ANKS1B: variants seen among roughly 807,000 people sequenced by gnomAD.
ANKS1B encodes the protein ankyrin repeat and sterile alpha motif domain containing 1B.
ANKS1B carries 36 observed loss-of-function variants against 148.3 expected under a neutral mutation model. That is an observed-to-expected ratio of 0.24 (90% CI 0.19 to 0.32). The LOEUF is 0.32. Ranked by LOEUF, ANKS1B falls within the 10% of genes least tolerant of loss-of-function variation. The probability of loss-of-function intolerance (pLI) is 1.00; values close to 1 mark genes in which losing one functional copy is unlikely to be tolerated. For missense variants in ANKS1B, 1,157 were observed against 1,542.6 expected, an observed-to-expected ratio of 0.75 and a Z score of 4.19; for synonymous variants, 542 against 560.8, an observed-to-expected ratio of 0.97 and a Z score of 0.47.
At chr12:99,623,053 A>G (rs1216831016) in intron 9 of ANKS1B, among the ~76,000 whole-genome samples, 1 of 152,058 alleles carries the variant, frequency 6.6e-6, no homozygotes. Flanking sequence ...GCATTTTACC[A>G]TGATCACACA....
chr12:99,806,791 G>T, intron 3 of ANKS1B, 91 bp from the exon 4 acceptor site: 1 of 1,160,174 alleles, frequency 8.6e-7, no homozygotes, highest in Non-Finnish European at 1.2e-6. Context: ...GCAATGCTTT[G>T]AAATGTAAGT....
exon 10 of ANKS1B, chr12:98,735,232 C>T (rs1382425323): frequency 1.3e-5 from 5 of 398,818 alleles, no homozygotes; most frequent in South Asian, 1.3e-4. Context: ...AAGCATTTTC[C>T]CTTGCTGTAT....
chr12:99,125,326 C>T (rs1471812671), intron 15 of ANKS1B, among the ~76,000 whole-genome samples: 1 of 152,094 alleles, frequency 6.6e-6, no homozygotes, highest in Non-Finnish European at 1.5e-5. Context: ...AAACATGGTT[C>T]CCATTATCAA....
chr12:99,812,169 T>C lies in ANKS1B; in HGVS notation c.358A>G (p.Arg120Gly), dbSNP rs372411784. 31 of 1,611,188 alleles carry C rather than the reference T, an allele frequency of 1.9e-5. No homozygotes were observed. The highest frequency in any genetic ancestry group is 1.0e-4 in the Admixed American group (6 of 59,750). ...GGCAAGTGCACCTGTTCATTGACCC[T>C]GGAATGTGATGGTCCATGATGAATA... ...ILIHHGPSHS[R>G]VNEQNNENET... The change falls in exon 3 of 27, where the codon AGG (arginine) becomes GGG (glycine). Residue 120 changes from arginine to glycine, a missense_variant. Physicochemically the swap from Arg to Gly is moderately radical, Grantham distance 125. Coordinates refer to ENST00000683438, the MANE Select transcript of ANKS1B (RefSeq NM_001352186.2).
chr12:99,687,624 A>G (rs944460291), intron 8 of ANKS1B, among the ~76,000 whole-genome samples: 11 of 152,050 alleles, frequency 7.2e-5, no homozygotes, highest in Non-Finnish European at 1.5e-4. Context: ...CTCATCTAGT[A>G]CACTTTTCAT....
chr12:98,911,047 G>A (rs555195351), intron 17 of ANKS1B, among the ~76,000 whole-genome samples: 1 of 152,100 alleles, frequency 6.6e-6, no homozygotes, highest in Admixed American at 6.5e-5. Flanking sequence ...GAAGAGCTAC[G>A]GGATTTCAAT....
intron 9 of ANKS1B, among the ~76,000 whole-genome samples, chr12:99,539,322 A>C (rs977641286): frequency 6.6e-6 from 1 of 152,196 alleles, no homozygotes; most frequent in Non-Finnish European, 1.5e-5. Flanking sequence ...TTATATGAAG[A>C]TGTAATTTGT....
At chr12:99,412,162 TAG>T (rs1403806533) in intron 11 of ANKS1B, among the ~76,000 whole-genome samples, 1 of 152,196 alleles carries the variant, frequency 6.6e-6, no homozygotes, top group Non-Finnish European at 1.5e-5. Flanking sequence ...GGATACTGAT[TAG>T]AGTCTTTTTC....
At chr12:99,048,500 T>G (rs1348172430) in intron 17 of ANKS1B, among the ~76,000 whole-genome samples, 1 of 152,200 alleles carries the variant, frequency 6.6e-6, no homozygotes, top group Non-Finnish European at 1.5e-5. Flanking sequence ...TCACTTTACA[T>G]GAAAAAGAAA....
chr12:98,855,021 C>T (rs1043069772), intron 17 of ANKS1B, among the ~76,000 whole-genome samples: 3 of 151,916 alleles, frequency 2.0e-5, no homozygotes, highest in Admixed American at 6.6e-5. Context: ...TAGCCGGGCG[C>T]GGTGGCGGGC....
At chr12:99,545,294 G>A (rs939042943) in intron 9 of ANKS1B, among the ~76,000 whole-genome samples, 4 of 151,870 alleles carry the variant, frequency 2.6e-5, no homozygotes, top group Admixed American at 6.6e-5. Context: ...TTTAACTTTC[G>A]ACCAATATTT....
At chr12:99,684,813 A>T (rs1250272320) in intron 8 of ANKS1B, among the ~76,000 whole-genome samples, 1 of 152,166 alleles carries the variant, frequency 6.6e-6, no homozygotes, top group East Asian at 1.9e-4. Flanking sequence ...GCAAACAAAA[A>T]TATAATGTGG....
At chr12:99,419,940 G>A (rs1051785212) in intron 11 of ANKS1B, among the ~76,000 whole-genome samples, 1 of 152,148 alleles carries the variant, frequency 6.6e-6, no homozygotes, top group African/African-American at 2.4e-5. Flanking sequence ...AAAATGCTGG[G>A]ATTTCAGGCA....
chr12:99,854,999 A>C (rs565340250), intron 1 of ANKS1B, among the ~76,000 whole-genome samples: 3 of 152,250 alleles, frequency 2.0e-5, no homozygotes, highest in Middle Eastern at 6.8e-3. Flanking sequence ...TGAAAAAAAA[A>C]CCCAGGTATT....
chr12:99,728,869 G>GA (rs547575814), intron 8 of ANKS1B, among the ~76,000 whole-genome samples: 2 of 152,232 alleles, frequency 1.3e-5, no homozygotes, highest in South Asian at 4.1e-4. Flanking sequence ...AACAGGAACA[G>GA]AAAACTAACA....
chr12:99,211,360 A>C (rs1197352517), intron 14 of ANKS1B, among the ~76,000 whole-genome samples: 2 of 152,204 alleles, frequency 1.3e-5, no homozygotes, highest in African/African-American at 4.8e-5. Flanking sequence ...TCCCCAAACA[A>C]GCCAGTTTTA....
chr12:99,486,463 T>C (rs549682535), intron 10 of ANKS1B, among the ~76,000 whole-genome samples: 2 of 141,384 alleles, frequency 1.4e-5, no homozygotes, highest in Non-Finnish European at 3.0e-5. Context: ...TGCTTATTTA[T>C]TTATTTATTT....
rs559883131 is a variant in ANKS1B at position 99,418,928 on chromosome 12, CTTCT to C, written c.1576-19121_1576-19118del. 1.9e-3 allele frequency among the ~76,000 whole-genome samples: 290 copies of C among 152,206 alleles called. 2 individuals carry two copies. Among genetic ancestry groups the C allele is most frequent in the Non-Finnish European group, 2.6e-3 (177 of 67,968 alleles). ...CAATTAATATCATTATGTGGATTTT[CTTCT>C]TTATTGATTTCAAATATTGAATGAG... On this transcript the variant is annotated intron_variant, in intron 11 of 26. Coordinates refer to ENST00000683438, the MANE Select transcript of ANKS1B (RefSeq NM_001352186.2).
At chr12:99,252,577 G>C (rs983706034) in intron 12 of ANKS1B, among the ~76,000 whole-genome samples, 1 of 152,122 alleles carries the variant, frequency 6.6e-6, no homozygotes, top group East Asian at 1.9e-4. Context: ...AGTAGGATCC[G>C]GAACTGAATC....
Sources: gnomAD v4.1 joint callset for allele counts (sites outside exome capture counted in the v4.1 genomes callset) on GRCh38, gnomAD v4.1.1 for gene constraint, MANE v1.5 for transcripts, NCBI Gene and HGNC (gene_info 2026-07-23, HGNC 2026-07-21) for gene names.